The following RPTOR variants were observed in gnomAD, a reference collection of about 807,000 sequenced individuals.
RPTOR encodes the protein regulatory associated protein of MTOR complex 1, also known as regulatory-associated protein of mTOR.
In RPTOR, 21 loss-of-function variants were observed where a neutral mutation model predicts 169.9. The observed-to-expected ratio is 0.12, with a 90% CI of 0.09 to 0.18. The LOEUF (loss-of-function observed/expected upper bound fraction) is 0.18, where lower values mean the gene tolerates loss of function less well. RPTOR is among the 10% of genes least tolerant of loss of function. RPTOR has a pLI of 1.00. For missense variants in RPTOR, 1,133 were observed against 1,855.9 expected (o/e 0.61, Z 7.16); for synonymous variants, 732 against 753.2 (o/e 0.97, Z 0.46).
At chr17:80,850,751 A>T (rs565846762) in intron 11 of RPTOR, among the ~76,000 whole-genome samples, 1 of 152,328 alleles carries the variant, frequency 6.6e-6, no homozygotes, top group South Asian at 2.1e-4. Flanking sequence ...GACAAACTAG[A>T]GTGATGTTAT....
intron 24 of RPTOR, among the ~76,000 whole-genome samples, chr17:80,928,564 G>A (rs1247377698): frequency 6.6e-6 from 1 of 152,218 alleles, no homozygotes; most frequent in East Asian, 1.9e-4. Context: ...CCGTGGTAAG[G>A]ACAGCGTCTG....
chr17:80,614,381 G>C (rs1400783890), intron 1 of RPTOR, among the ~76,000 whole-genome samples: 2 of 152,142 alleles, frequency 1.3e-5, no homozygotes, highest in Non-Finnish European at 2.9e-5. Flanking sequence ...ATATTGAAAG[G>C]CTCTGCTTGA....
chr17:80,908,879 C>T lies in RPTOR; in HGVS notation c.2470C>T (p.Pro824Ser). Residue 824 changes from proline to serine, a missense_variant, in exon 21 of 34, where the codon CCA becomes TCA. By Grantham distance (74) the Pro-to-Ser change is moderately conservative (BLOSUM62 -1). Transcript: ENST00000306801. ...VLLHLAADPY[P>S]EVSDVAMKVL... Reference sequence around the variant, plus strand: ...GCTGCACCTGGCTGCTGACCCCTATCCAGAGGTCTCGGACGTGGCCATGAA... The same window carrying T: ...GCTGCACCTGGCTGCTGACCCCTATTCAGAGGTCTCGGACGTGGCCATGAA... 1.2e-6 allele frequency: 2 copies of T among 1,614,154 alleles called. 1 individual carries two copies. Among genetic ancestry groups the T allele is most frequent in the South Asian group, 2.2e-5 (2 of 91,076 alleles).
At chr17:80,757,891 G>A (rs1417376544) in intron 6 of RPTOR, among the ~76,000 whole-genome samples, 1 of 151,976 alleles carries the variant, frequency 6.6e-6, no homozygotes, top group Non-Finnish European at 1.5e-5. Flanking sequence ...CTTTATGAGT[G>A]TTCTTTTTAA....
At chr17:80,547,248 A>T (rs1308939900) in intron 1 of RPTOR, among the ~76,000 whole-genome samples, 1 of 152,194 alleles carries the variant, frequency 6.6e-6, no homozygotes, top group Non-Finnish European at 1.5e-5. Context: ...TCTTATGGAC[A>T]TCTTTAGTAG....
In RPTOR at chr17:80,726,248, C is replaced by T. The variant is rs2066332783; in HGVS notation, c.508-4312C>T. On this transcript the variant is annotated intron_variant, in intron 4 of 33. Transcript: ENST00000306801. This position sits in a 1 kb window ranked among gnomAD's most constrained non-coding sequence, Gnocchi z 4.5. Reference sequence around the variant, plus strand: ...AGAATTTAAAGTCCTAGAGCAGAGACCAACTGGGGCCATCCATGGCCCTGT... The same window carrying T: ...AGAATTTAAAGTCCTAGAGCAGAGATCAACTGGGGCCATCCATGGCCCTGT... Among the ~76,000 whole-genome samples, 1 of 152,180 alleles carries T rather than the reference C, an allele frequency of 6.6e-6. No homozygotes were observed. The highest frequency in any genetic ancestry group is 1.5e-5 in the Non-Finnish European group (1 of 68,034).
intron 1 of RPTOR, among the ~76,000 whole-genome samples, chr17:80,567,807 T>TA (rs2064861572): frequency 6.8e-6 from 1 of 147,590 alleles, no homozygotes; most frequent in Admixed American, 6.7e-5. Flanking sequence ...ATAAATAAAA[T>TA]AAATAAATAA....
intron 1 of RPTOR, among the ~76,000 whole-genome samples, chr17:80,615,091 T>C (rs543036431): frequency 2.0e-5 from 3 of 152,048 alleles, no homozygotes; most frequent in Non-Finnish European, 4.4e-5. Flanking sequence ...TCGGAGAAAA[T>C]ATCTGAGTCT....
chr17:80,899,146 G>A (rs1311859775), intron 20 of RPTOR, among the ~76,000 whole-genome samples: 2 of 152,168 alleles, frequency 1.3e-5, no homozygotes, highest in Non-Finnish European at 2.9e-5. Context: ...TGTGCATTTG[G>A]CTGTCCACTA....
intron 3 of RPTOR, among the ~76,000 whole-genome samples, chr17:80,665,456 TCC>T (rs2065765244): frequency 7.1e-5 from 2 of 27,992 alleles, no homozygotes; most frequent in African/African-American, 4.0e-4. Flanking sequence ...TCCTTTCCTT[TCC>T]TTTCCTTTCC....
intron 11 of RPTOR, among the ~76,000 whole-genome samples, chr17:80,852,681 C>G (rs2067806162): frequency 6.6e-6 from 1 of 152,090 alleles, no homozygotes; most frequent in African/African-American, 2.4e-5. Flanking sequence ...CCTGGCTAGC[C>G]ACCTCCTCTT....
At chr17:80,650,720 C>T (rs1056230346) in intron 3 of RPTOR, among the ~76,000 whole-genome samples, 1 of 152,176 alleles carries the variant, frequency 6.6e-6, no homozygotes, top group South Asian at 2.1e-4. Flanking sequence ...CTTCCCATCC[C>T]TTTCTGTCCC....
chr17:80,594,396 A>T (rs2065129815), intron 1 of RPTOR, among the ~76,000 whole-genome samples: 1 of 152,220 alleles, frequency 6.6e-6, no homozygotes, highest in African/African-American at 2.4e-5. Flanking sequence ...CCGGCCGTGC[A>T]GTTCTTTAAA....
intron 12 of RPTOR, among the ~76,000 whole-genome samples, chr17:80,855,941 A>G (rs1042249364): frequency 6.6e-6 from 1 of 152,160 alleles, no homozygotes; most frequent in South Asian, 2.1e-4. Context: ...GATCCTCAGC[A>G]CTGTCTGCTC....
At chr17:80,834,700 C>G (rs1431020529) in intron 9 of RPTOR, among the ~76,000 whole-genome samples, 1 of 152,206 alleles carries the variant, frequency 6.6e-6, no homozygotes, top group South Asian at 2.1e-4. Context: ...GTGTGCTGAG[C>G]GATGTCTCCA....
intron 3 of RPTOR, among the ~76,000 whole-genome samples, chr17:80,660,553 G>A (rs2065714941): frequency 6.6e-6 from 1 of 152,142 alleles, no homozygotes; most frequent in Non-Finnish European, 1.5e-5. Context: ...AGAGTCTGAT[G>A]GTGACACGGT....
chr17:80,732,983 T>C (rs1200773375), intron 5 of RPTOR, among the ~76,000 whole-genome samples: 1 of 152,200 alleles, frequency 6.6e-6, no homozygotes, highest in Non-Finnish European at 1.5e-5. Context: ...AACAATTGAT[T>C]AAATATAATG....
At chr17:80,912,782 G>A (rs968713210) in intron 21 of RPTOR, among the ~76,000 whole-genome samples, 3 of 152,166 alleles carry the variant, frequency 2.0e-5, no homozygotes, top group Admixed American at 6.5e-5. Context: ...TCGAACACAC[G>A]GCTTTGTCGT....
rs1278821982 is a variant in RPTOR, at chr17:80,649,152, G to A, written c.348+5342G>A. Among the ~76,000 whole-genome samples the A allele has an allele frequency of 2.0e-5, 3 of 152,096 alleles. No individual in the cohort carries two copies. In the East Asian group the frequency reaches 5.8e-4, roughly 29 times the overall value. ...TTTTCAGGCTCAGATATGGATAATC[G>A]GGGAAGAAGCAGCTAAGTTGCCCTA... On this transcript the variant is annotated intron_variant, in intron 3 of 33. Coordinates refer to ENST00000306801, the MANE Select transcript of RPTOR (RefSeq NM_020761.3).
Sources: gnomAD v4.1 joint callset for allele counts (sites outside exome capture counted in the v4.1 genomes callset) on GRCh38, gnomAD v4.1.1 for gene constraint, Gnocchi (gnomAD v3.1) non-coding constraint, MANE v1.5 for transcripts, NCBI Gene and HGNC (gene_info 2026-07-23, HGNC 2026-07-21) for gene names.